Variants in ZBTB40 observed in about 807,000 individuals in gnomAD.
ZBTB40 encodes zinc finger and BTB domain containing 40, also known as zinc finger and BTB domain-containing protein 40.
A neutral mutation model predicts 117.5 loss-of-function variants in ZBTB40; 60 were observed. The observed-to-expected ratio is 0.51, with a 90% CI of 0.41 to 0.63. The LOEUF (loss-of-function observed/expected upper bound fraction) is 0.63, where lower values mean the gene tolerates loss of function less well. Among genes scored for constraint, ZBTB40 ranks in the 30% least tolerant of loss-of-function variants. The pLI is 0.00. For missense variants in ZBTB40, 1,287 were observed against 1,498.5 expected (o/e 0.86, Z 2.33); for synonymous variants, 525 against 577.1 (o/e 0.91, Z 1.29).
At chr1:22,479,786 C>T (rs886400627) in intron 1 of ZBTB40, among the ~76,000 whole-genome samples, 1 of 152,172 alleles carries the variant, frequency 6.6e-6, no homozygotes, top group Non-Finnish European at 1.5e-5. Context: ...TTCTTTTTAA[C>T]TGCTACCTTA....
chr1:22,432,886 G>A (rs1399825889), intron 1 of ZBTB40, among the ~76,000 whole-genome samples: 2 of 152,192 alleles, frequency 1.3e-5, no homozygotes, highest in African/African-American at 2.4e-5. Context: ...TGAATGTATC[G>A]TCTAAGTGCT....
Position 22,522,461 on chromosome 1 carries a change from C to T in ZBTB40, c.3296C>T (p.Ser1099Leu). The change falls in exon 16 of 18, where the codon TCA (serine) becomes TTA (leucine). Residue 1099 changes from serine (S) to leucine (L), a missense_variant and splice_region_variant. Physicochemically the swap from Ser to Leu is moderately radical, Grantham distance 145. This residue lies in a region of ZBTB40 where 417 missense variants were observed against 564.1 expected (regional missense o/e 0.74). Coordinates refer to ENST00000375647, the MANE Select transcript of ZBTB40 (RefSeq NM_014870.4). ...LLQVHVKCQHSGSQPFRCLYC... is the reference protein window; with the variant it reads ...LLQVHVKCQHLGSQPFRCLYC... The stretch of plus-strand genomic sequence containing the variant: ...CAGGTTCATGTCAAGTGCCAGCATT[C>T]AGGTCAGTACCCCTGTCAGCATACT... The T allele has an allele frequency of 6.2e-7, 1 of 1,614,188 alleles. No individual in the cohort carries two copies. Among genetic ancestry groups the T allele is most frequent in the Non-Finnish European group, 8.5e-7 (1 of 1,180,010 alleles).
At position 22,518,286 on chromosome 1, in the gene ZBTB40, C is replaced by G. The variant is rs558612904; in HGVS notation, c.2833+822C>G. Among the ~76,000 whole-genome samples the G allele has an allele frequency of 2.0e-5, 3 of 152,240 alleles. No homozygotes were observed. In the East Asian group the frequency reaches 5.8e-4, roughly 29 times the overall value. On this transcript the variant is annotated intron_variant, in intron 13 of 17. Transcript: ENST00000375647. ...CGCTTACTTTTCTTGAGGCCTTAAA[C>G]AAATTTATTTACCATTCTAAGCCTC...
At chr1:22,462,892 A>G (rs1374690408) in intron 1 of ZBTB40, among the ~76,000 whole-genome samples, 5 of 152,352 alleles carry the variant, frequency 3.3e-5, no homozygotes, top group African/African-American at 7.2e-5. Flanking sequence ...TGACATATAT[A>G]GAAGATACAT....
intron 1 of ZBTB40, among the ~76,000 whole-genome samples, chr1:22,467,038 C>T (rs1260172624): frequency 2.0e-5 from 3 of 151,850 alleles, no homozygotes; most frequent in South Asian, 2.1e-4. Flanking sequence ...TTTAAAACCT[C>T]GTATATTTAA....
chr1:22,502,175 C>T (rs1042186375), intron 4 of ZBTB40, 124 bp from the exon 5 acceptor site: 2 of 1,129,802 alleles, frequency 1.8e-6, no homozygotes, highest in Admixed American at 2.0e-5. Flanking sequence ...ATTCTGCATT[C>T]AGGTGCTCAG....
In ZBTB40 at chr1:22,509,241, G is replaced by A; in HGVS notation, c.1833+8G>A. On this transcript the variant is annotated splice_region_variant and intron_variant, in intron 9 of 17. Coordinates refer to ENST00000375647, the MANE Select transcript of ZBTB40 (RefSeq NM_014870.4). ...GCAGAGACTGTGAAAGAGGTGTGGT[G>A]GGAATAAAAAGCGAAATGCCAGAGA... 1 of 1,614,132 alleles carries A rather than the reference G, an allele frequency of 6.2e-7. No homozygotes were observed. The highest frequency in any genetic ancestry group is 8.5e-7 in the Non-Finnish European group (1 of 1,180,012).
intron 12 of ZBTB40, among the ~76,000 whole-genome samples, chr1:22,515,615 T>G (rs1639354834): frequency 6.6e-6 from 1 of 152,178 alleles, no homozygotes; most frequent in Non-Finnish European, 1.5e-5. Context: ...TACCTCCTTT[T>G]CTGACTCTTC....
chr1:22,511,093 CTTTTTT>C, intron 9 of ZBTB40, 80 bp from the exon 10 acceptor site: 3 of 1,342,538 alleles, frequency 2.2e-6, no homozygotes, highest in Non-Finnish European at 1.0e-6. Context: ...CTGGGATTAG[CTTTTTT>C]TTTTTTTTTT....
chr1:22,517,187 A>G lies in ZBTB40; in HGVS notation c.2669-113A>G. 6 of 1,468,616 alleles carry G rather than the reference A, an allele frequency of 4.1e-6. No homozygotes were observed. The South Asian group carries it at 6.9e-5, about 17-fold the overall frequency. 91.0% of individuals were successfully genotyped at this position (1,468,616 alleles called of 1,614,324 possible). On this transcript the variant is annotated intron_variant, in intron 12 of 17. Coordinates refer to ENST00000375647, the MANE Select transcript of ZBTB40 (RefSeq NM_014870.4). ...CGTATTGCAGACTGCCTGATGTTTT[A>G]ATGTCATCTACCAGATGATATTTCC...
At chr1:22,445,587 A>G (rs1210673850) in intron 1 of ZBTB40, among the ~76,000 whole-genome samples, 2 of 152,152 alleles carry the variant, frequency 1.3e-5, no homozygotes, top group African/African-American at 4.8e-5. Context: ...GCCAGGCACG[A>G]TGGTTCATGC....
At chr1:22,510,479 TGAAAA>T (rs1639202137) in intron 9 of ZBTB40, among the ~76,000 whole-genome samples, 1 of 152,228 alleles carries the variant, frequency 6.6e-6, no homozygotes, top group Non-Finnish European at 1.5e-5. Flanking sequence ...TAGATAGACT[TGAAAA>T]GAGCAGAAAT....
intron 1 of ZBTB40, among the ~76,000 whole-genome samples, chr1:22,464,543 A>G (rs899437892): frequency 6.6e-5 from 10 of 152,244 alleles, no homozygotes; most frequent in African/African-American, 2.2e-4. Flanking sequence ...TGGAAATGAC[A>G]CTAGCTTTAA....
chr1:22,524,537 C>A, intron 17 of ZBTB40, 93 bp downstream of exon 17: 1 of 1,340,894 alleles, frequency 7.5e-7, no homozygotes, highest in Non-Finnish European at 1.0e-6. Flanking sequence ...CAGAGATACT[C>A]TTTGGGGATC....
Position 22,492,855 on chromosome 1 carries a change from G to A in ZBTB40, c.831+1322G>A, listed in dbSNP as rs930467961. On this transcript the variant is annotated intron_variant, in intron 3 of 17. Transcript: ENST00000375647. Reference sequence around the variant, plus strand: ...AAGGACATTATGGTTTTATATTTTTGCACTTGCGTGTTCTCTTAACTGTTC... The same window carrying A: ...AAGGACATTATGGTTTTATATTTTTACACTTGCGTGTTCTCTTAACTGTTC... Among the ~76,000 whole-genome samples, 4 of 152,128 alleles carry A rather than the reference G, an allele frequency of 2.6e-5. No individual in the cohort carries two copies. In the South Asian group the frequency reaches 8.3e-4, roughly 31 times the overall value.
At position 22,511,852 on chromosome 1, in the gene ZBTB40, G is replaced by A; in HGVS notation, c.2179G>A (p.Ala727Thr). 1 of 1,614,172 alleles carries A rather than the reference G, an allele frequency of 6.2e-7. No homozygotes were observed. ...AGGACAGCAAGAGAAAGAGGCTTCA[G>A]CCTCCCCAGACCCTGCCAAGAAGAG... ...LPGQQEKEAS[A>T]SPDPAKKSFI... The change falls in exon 11 of 18, where the codon GCC becomes ACC. Residue 727 changes from alanine to threonine, a missense_variant. By Grantham distance (58) the Ala-to-Thr change is moderately conservative. This residue lies in a region of ZBTB40 where 870 missense variants were observed against 934.4 expected (regional missense o/e 0.93). Transcript: ENST00000375647.
intron 1 of ZBTB40, among the ~76,000 whole-genome samples, chr1:22,472,589 A>G (rs1215216628): frequency 6.6e-6 from 1 of 152,192 alleles, no homozygotes; most frequent in Non-Finnish European, 1.5e-5. Context: ...AGGCTATGGG[A>G]GAGAAGTAGA....
At chr1:22,429,845 A>C (rs139259972) in intron 1 of ZBTB40, among the ~76,000 whole-genome samples, 2,501 of 152,300 alleles carry the variant, frequency 0.016, 28 homozygotes, top group Middle Eastern at 0.082. Flanking sequence ...ATACAAAAAA[A>C]TTAGCTGGGC....
At chr1:22,505,180 C>T (rs1431978362) in intron 5 of ZBTB40, among the ~76,000 whole-genome samples, 4 of 152,092 alleles carry the variant, frequency 2.6e-5, no homozygotes, top group Non-Finnish European at 5.9e-5. Context: ...AAGGAAAGCT[C>T]AAAATTCAGT....
Sources: allele counts gnomAD v4.1 joint callset (sites outside exome capture counted in the v4.1 genomes callset), GRCh38; gene constraint gnomAD v4.1.1; regional missense constraint gnomAD v4.1.1; transcripts MANE v1.5; gene names NCBI Gene and HGNC (gene_info 2026-07-23, HGNC 2026-07-21).